ITPR1: variants seen among roughly 807,000 people sequenced by gnomAD.
The protein encoded by ITPR1 is inositol 1,4,5-trisphosphate-gated calcium channel ITPR1.
ITPR1 carries 96 observed loss-of-function variants against 318.4 expected under a neutral mutation model. That is an observed-to-expected ratio of 0.30 (90% CI 0.26 to 0.36). The LOEUF is 0.36. Among genes scored for constraint, ITPR1 ranks in the 10% least tolerant of loss-of-function variants. The pLI is 1.00. For missense variants in ITPR1, 2,440 were observed against 3,460.2 expected (o/e 0.71, Z 7.40); for synonymous variants, 1,312 against 1,289.9 (o/e 1.02, Z -0.37).
intron 4 of ITPR1, among the ~76,000 whole-genome samples, chr3:4,616,092 A>C (rs1372591165): frequency 1.3e-5 from 2 of 152,260 alleles, no homozygotes; most frequent in Non-Finnish European, 2.9e-5. Flanking sequence ...CATGCAGCAG[A>C]CACAACAGTG....
At chr3:4,624,316 A>G (rs1000899354) in intron 4 of ITPR1, among the ~76,000 whole-genome samples, 1 of 152,216 alleles carries the variant, frequency 6.6e-6, no homozygotes, top group African/African-American at 2.4e-5. Context: ...TGAATATTTT[A>G]AAAAGTCATG....
chr3:4,807,001 C>G (rs1213546035), intron 55 of ITPR1, among the ~76,000 whole-genome samples: 3 of 151,658 alleles, frequency 2.0e-5, no homozygotes, highest in Admixed American at 6.6e-5. Flanking sequence ...ACACCATAAA[C>G]AGCCTAGGAA....
chr3:4,592,268 TTA>T (rs1341668365), intron 4 of ITPR1, among the ~76,000 whole-genome samples: 8 of 152,180 alleles, frequency 5.3e-5, no homozygotes, highest in African/African-American at 9.7e-5. Flanking sequence ...CTGTCTTGTT[TTA>T]TGTTTTGTGT....
At chr3:4,579,126 C>T (rs1164137687) in intron 4 of ITPR1, among the ~76,000 whole-genome samples, 1 of 152,190 alleles carries the variant, frequency 6.6e-6, no homozygotes, top group East Asian at 1.9e-4. Context: ...TCAGTTCCGG[C>T]CCCATAGCTC....
At chr3:4,535,093 A>G (rs1167446527) in intron 4 of ITPR1, among the ~76,000 whole-genome samples, 2 of 151,872 alleles carry the variant, frequency 1.3e-5, no homozygotes, top group Non-Finnish European at 2.9e-5. Context: ...ATTAAATATT[A>G]TACAAGGATA....
intron 46 of ITPR1, 28 bp downstream of exon 46, chr3:4,768,792 G>A (rs751541911): frequency 6.3e-7 from 1 of 1,587,896 alleles, no homozygotes; most frequent in Non-Finnish European, 8.6e-7. Flanking sequence ...GGGGCGTGGA[G>A]GGAGCTCGGG....
intron 55 of ITPR1, among the ~76,000 whole-genome samples, chr3:4,810,585 C>G (rs146922250): frequency 6.6e-6 from 1 of 152,208 alleles, no homozygotes; most frequent in African/African-American, 2.4e-5. Context: ...GTCTCTTGAT[C>G]AGGAAATTGA....
intron 21 of ITPR1, 69 bp from the exon 22 acceptor site, chr3:4,674,133 A>C: frequency 7.7e-7 from 1 of 1,303,740 alleles, no homozygotes; most frequent in Non-Finnish European, 1.1e-6. Flanking sequence ...TTTGAAGCTG[A>C]GTGACCCAGG....
chr3:4,662,911 G>C (rs1263526186), intron 15 of ITPR1, among the ~76,000 whole-genome samples, 154 bp from the exon 16 acceptor site: 1 of 152,078 alleles, frequency 6.6e-6, no homozygotes, highest in African/African-American at 2.4e-5. Context: ...CACTCTCTTT[G>C]ATACTTGGCT....
chr3:4,611,252 A>C (rs2092099192), intron 4 of ITPR1, among the ~76,000 whole-genome samples: 1 of 149,204 alleles, frequency 6.7e-6, no homozygotes, highest in South Asian at 2.1e-4. Context: ...ACAAAAAAAA[A>C]ACTATATATG....
chr3:4,537,586 G>C (rs2124966847), intron 4 of ITPR1, among the ~76,000 whole-genome samples: 1 of 152,320 alleles, frequency 6.6e-6, no homozygotes, highest in Non-Finnish European at 1.5e-5. Context: ...TGGATTTCCA[G>C]GTGTGCCTGA....
chr3:4,543,550 C>T (rs976620537), intron 4 of ITPR1, among the ~76,000 whole-genome samples: 8 of 152,316 alleles, frequency 5.3e-5, no homozygotes, highest in Middle Eastern at 3.4e-3. Context: ...TCAAGTGATC[C>T]TCTTGCCTCA....
chr3:4,548,953 G>A (rs1022082556), intron 4 of ITPR1, among the ~76,000 whole-genome samples: 18 of 152,172 alleles, frequency 1.2e-4, no homozygotes, highest in Middle Eastern at 3.2e-3. Context: ...ATGGAAGGCC[G>A]ATGTGTGTTC....
intron 2 of ITPR1, among the ~76,000 whole-genome samples, chr3:4,496,638 A>C (rs1303629151): frequency 1.3e-5 from 2 of 152,224 alleles, no homozygotes; most frequent in African/African-American, 2.4e-5. Flanking sequence ...TTTTCTTCAA[A>C]ATATTTTTAA....
intron 4 of ITPR1, among the ~76,000 whole-genome samples, chr3:4,605,958 A>G (rs1252871525): frequency 6.6e-6 from 1 of 152,090 alleles, no homozygotes; most frequent in African/African-American, 2.4e-5. Flanking sequence ...GGGAGGAAAA[A>G]TCTTAGCTTT....
rs549935394 is a variant in ITPR1, at chr3:4,530,109, G to T, written c.163+9015G>T. ...CTCTGCAACCCCAAAGTATGTCATT[G>T]TGAGCTGCATTGACACAGAAGAAAA... On this transcript the variant is annotated intron_variant, in intron 4 of 61. Transcript: ENST00000649015. 3.0e-4 allele frequency among the ~76,000 whole-genome samples: 45 copies of T among 152,294 alleles called. No individual in the cohort carries two copies. The South Asian group carries it at 9.1e-3, about 31-fold the overall frequency.
chr3:4,630,516 A>G (rs1013816208), intron 5 of ITPR1, among the ~76,000 whole-genome samples: 7 of 121,962 alleles, frequency 5.7e-5, no homozygotes, highest in African/African-American at 9.9e-5. Context: ...ACTTTTTCTT[A>G]TATCAGATTT....
intron 4 of ITPR1, among the ~76,000 whole-genome samples, chr3:4,584,924 G>A (rs992231033): frequency 6.6e-6 from 1 of 152,198 alleles, no homozygotes; most frequent in African/African-American, 2.4e-5. Context: ...AATCGACTGG[G>A]TGGAGGGAGT....
chr3:4,656,838 T>C (rs2093720972), intron 12 of ITPR1, among the ~76,000 whole-genome samples: 1 of 152,178 alleles, frequency 6.6e-6, no homozygotes, highest in Non-Finnish European at 1.5e-5. Flanking sequence ...TAGATGCAGG[T>C]GGAGGCTGTC....
Sources: allele counts gnomAD v4.1 joint callset (sites outside exome capture counted in the v4.1 genomes callset), GRCh38; gene constraint gnomAD v4.1.1; transcripts MANE v1.5; gene names NCBI Gene and HGNC (gene_info 2026-07-23, HGNC 2026-07-21).